Variants in KHDRBS2 observed in about 807,000 individuals in gnomAD.
KHDRBS2 encodes KH RNA binding domain containing, signal transduction associated 2, also known as KH domain-containing, RNA-binding, signal transduction-associated protein 2.
KHDRBS2 carries 26 observed loss-of-function variants against 44.3 expected under a neutral mutation model. That is an observed-to-expected ratio of 0.59 (90% CI 0.43 to 0.81). The LOEUF is 0.81. Among genes scored for constraint, KHDRBS2 ranks in the 40% least tolerant of loss-of-function variants. The probability of loss-of-function intolerance (pLI) is 0.00; values close to 1 mark genes in which losing one functional copy is unlikely to be tolerated. For synonymous variants in KHDRBS2, 194 were observed against 151.1 expected (o/e 1.28, Z -2.08); for missense variants, 476 against 433.1 (o/e 1.10, Z -0.88).
At chr6:62,011,362 G>A (rs187710615) in intron 3 of KHDRBS2, among the ~76,000 whole-genome samples, 5 of 152,076 alleles carry the variant, frequency 3.3e-5, no homozygotes, top group East Asian at 1.9e-4. Context: ...CATTGCACAC[G>A]AAAATAAAAA....
chr6:61,977,473 T>G (rs1244682465), intron 4 of KHDRBS2, among the ~76,000 whole-genome samples: 2 of 152,174 alleles, frequency 1.3e-5, no homozygotes, highest in Admixed American at 1.3e-4. Context: ...AAACATTCTC[T>G]GTTGCCCTCA....
intron 3 of KHDRBS2, among the ~76,000 whole-genome samples, chr6:62,003,563 G>C (rs1778664673): frequency 6.6e-6 from 1 of 151,930 alleles, no homozygotes; most frequent in South Asian, 2.1e-4. Flanking sequence ...ACACAATAAT[G>C]ATGACAGACT....
rs1451584312 is a variant in KHDRBS2 at position 61,954,316 on chromosome 6, T to C, written c.483+23750A>G. On this transcript the variant is annotated intron_variant, in intron 4 of 8. Transcript: ENST00000281156. ...ATATACACATATATATACATATACA[T>C]ACATATATACATATATGTATAGATA... is the stretch of plus-strand genomic sequence containing the variant. Among the ~76,000 whole-genome samples the C allele has an allele frequency of 3.3e-5, 5 of 150,496 alleles. No homozygotes were observed. In the South Asian group the frequency reaches 8.3e-4, roughly 25 times the overall value.
chr6:62,181,776 A>C (rs929914019), intron 1 of KHDRBS2, among the ~76,000 whole-genome samples: 1 of 151,972 alleles, frequency 6.6e-6, no homozygotes, highest in Non-Finnish European at 1.5e-5. Context: ...ATTTCATGAG[A>C]ATGGAACCCT....
chr6:62,009,768 T>C (rs1333877442), intron 3 of KHDRBS2, among the ~76,000 whole-genome samples: 3 of 152,148 alleles, frequency 2.0e-5, no homozygotes, highest in Non-Finnish European at 4.4e-5. Context: ...AGCTTCCATG[T>C]GGTGTTGGGC....
At chr6:61,636,064 A>G in the KHDRBS2 span, among the ~76,000 whole-genome samples, 1 of 152,044 alleles carries the variant, frequency 6.6e-6, no homozygotes, top group Non-Finnish European at 1.5e-5. Context: ...CATATTCCAC[A>G]ATATTCCGTA....
chr6:61,852,337 G>C (rs555674023), intron 6 of KHDRBS2, among the ~76,000 whole-genome samples: 50 of 152,028 alleles, frequency 3.3e-4, no homozygotes, highest in African/African-American at 1.2e-3. Flanking sequence ...AAGCCAAGGC[G>C]GGCAGATTAC....
intron 3 of KHDRBS2, among the ~76,000 whole-genome samples, chr6:61,988,611 G>A (rs1400356): frequency 0.22 from 33,315 of 152,022 alleles, 3,790 homozygotes; most frequent in East Asian, 0.3. Flanking sequence ...CTCTGGACTC[G>A]CAGAGGAAGT....
chr6:62,188,188 T>C (rs1210620889), intron 1 of KHDRBS2, among the ~76,000 whole-genome samples: 4 of 151,990 alleles, frequency 2.6e-5, no homozygotes, highest in African/African-American at 4.8e-5. Flanking sequence ...CCTTCAACAC[T>C]GGGGATTCTA....
At chr6:62,105,884 G>C (rs966558031) in intron 2 of KHDRBS2, among the ~76,000 whole-genome samples, 5 of 151,950 alleles carry the variant, frequency 3.3e-5, no homozygotes, top group Admixed American at 1.3e-4. Context: ...TGTCAATTTT[G>C]GATCTTTCCT....
chr6:62,178,800 A>G (rs1361490529), intron 1 of KHDRBS2, among the ~76,000 whole-genome samples: 1 of 151,594 alleles, frequency 6.6e-6, no homozygotes, highest in East Asian at 1.9e-4. Flanking sequence ...ATGTACTAAA[A>G]TACTAACTAA....
chr6:62,023,555 T>C lies in KHDRBS2; in HGVS notation c.336+24323A>G, dbSNP rs1481257785. On this transcript the variant is annotated intron_variant, in intron 3 of 8. Transcript: ENST00000281156. ...AAAGAAATATTTTTATTAAAAATAA[T>C]TTTGTGACTATTGTTTTTTAAATGC... is the stretch of plus-strand genomic sequence containing the variant. Among the ~76,000 whole-genome samples, 4 of 151,668 alleles carry C rather than the reference T, an allele frequency of 2.6e-5. No homozygotes were observed. In the East Asian group the frequency reaches 7.7e-4, roughly 29 times the overall value.
intron 4 of KHDRBS2, among the ~76,000 whole-genome samples, chr6:61,926,683 T>C (rs1809034317): frequency 6.6e-6 from 1 of 152,156 alleles, no homozygotes; most frequent in African/African-American, 2.4e-5. Flanking sequence ...GTAACATATA[T>C]TCTTGGTATC....
the KHDRBS2 span, among the ~76,000 whole-genome samples, chr6:61,561,435 G>A: frequency 6.6e-6 from 1 of 152,200 alleles, no homozygotes; most frequent in Non-Finnish European, 1.5e-5. Context: ...ACGAAGGGCA[G>A]TGAGTTTTCC....
At chr6:62,108,927 C>A (rs905755839) in intron 2 of KHDRBS2, among the ~76,000 whole-genome samples, 5 of 152,014 alleles carry the variant, frequency 3.3e-5, no homozygotes, top group Admixed American at 6.6e-5. Context: ...AGGGGTACAT[C>A]ACACTTTGGG....
intron 4 of KHDRBS2, among the ~76,000 whole-genome samples, chr6:61,973,318 T>A (rs1345023734): frequency 6.6e-6 from 1 of 152,176 alleles, no homozygotes; most frequent in Non-Finnish European, 1.5e-5. Flanking sequence ...TTTCCTTACA[T>A]TTACTTACTT....
chr6:62,259,219 A>C (rs1585472058), intron 1 of KHDRBS2, among the ~76,000 whole-genome samples: 1 of 152,166 alleles, frequency 6.6e-6, no homozygotes, highest in Non-Finnish European at 1.5e-5. Flanking sequence ...TAATGAAAAT[A>C]ATCATGGATA....
At chr6:62,273,005 G>T (rs955001003) in intron 1 of KHDRBS2, among the ~76,000 whole-genome samples, 1 of 150,802 alleles carries the variant, frequency 6.6e-6, no homozygotes, top group Non-Finnish European at 1.5e-5. Context: ...TGCACATGAG[G>T]AAAAAAAAGG....
At chr6:61,860,128 C>G (rs1796707339) in intron 6 of KHDRBS2, among the ~76,000 whole-genome samples, 1 of 151,744 alleles carries the variant, frequency 6.6e-6, no homozygotes, top group South Asian at 2.1e-4. Context: ...ATCTTAAAAT[C>G]CAAAGTAGAA....
Sources: allele counts gnomAD v4.1 joint callset (sites outside exome capture counted in the v4.1 genomes callset), GRCh38; gene constraint gnomAD v4.1.1; transcripts MANE v1.5; gene names NCBI Gene and HGNC (gene_info 2026-07-23, HGNC 2026-07-21).